MAGI2: variants seen among roughly 807,000 people sequenced by gnomAD.
MAGI2 encodes membrane associated guanylate kinase, WW and PDZ domain containing 2.
In MAGI2, 35 loss-of-function variants were observed where a neutral mutation model predicts 133.3. The ratio of observed to expected loss-of-function variants is 0.26; its 90% CI spans 0.20 to 0.35. MAGI2 has a LOEUF of 0.35. MAGI2 is among the 10% of genes least tolerant of loss of function. The pLI is 1.00. For synonymous variants in MAGI2, 729 were observed against 710.6 expected (o/e 1.03, Z -0.41); for missense variants, 1,636 against 1,863.4 (o/e 0.88, Z 2.25).
intron 2 of MAGI2, among the ~76,000 whole-genome samples, chr7:78,972,187 T>C (rs1016522697): frequency 6.6e-6 from 1 of 151,940 alleles, no homozygotes; most frequent in Non-Finnish European, 1.5e-5. Flanking sequence ...ACTTAATTAG[T>C]AAAACATACC....
At chr7:78,757,444 C>T (rs1323023931) in intron 2 of MAGI2, among the ~76,000 whole-genome samples, 1 of 152,008 alleles carries the variant, frequency 6.6e-6, no homozygotes. Context: ...CTCTCTGGCT[C>T]CTGCCTTATT....
At chr7:79,295,138 G>A (rs1369835312) in intron 1 of MAGI2, among the ~76,000 whole-genome samples, 1 of 151,812 alleles carries the variant, frequency 6.6e-6, no homozygotes, top group African/African-American at 2.4e-5. Flanking sequence ...GAATCTAACA[G>A]CAATTCCAGG....
At chr7:78,346,723 T>C (rs17150562) in intron 7 of MAGI2, among the ~76,000 whole-genome samples, 18,671 of 152,174 alleles carry the variant, frequency 0.12, 1,631 homozygotes, top group African/African-American at 0.23. Context: ...ACTGTGAATT[T>C]CTGTATAGCA....
intron 1 of MAGI2, among the ~76,000 whole-genome samples, chr7:79,245,429 A>G (rs1376403247): frequency 6.6e-6 from 1 of 152,144 alleles, no homozygotes; most frequent in Non-Finnish European, 1.5e-5. Flanking sequence ...TAGGCCTGGC[A>G]TCATTCACCA....
chr7:78,747,060 C>A (rs1024778940), intron 2 of MAGI2, among the ~76,000 whole-genome samples: 1 of 152,132 alleles, frequency 6.6e-6, no homozygotes, highest in South Asian at 2.1e-4. Context: ...AGTGCACATA[C>A]GCATCACAGC....
At chr7:78,562,275 T>C (rs1800486314) in intron 3 of MAGI2, among the ~76,000 whole-genome samples, 1 of 152,230 alleles carries the variant, frequency 6.6e-6, no homozygotes. Context: ...GTGTTCCTTC[T>C]TCATTCACTC....
intron 1 of MAGI2, among the ~76,000 whole-genome samples, chr7:79,378,081 G>C (rs1370680472): frequency 6.6e-6 from 1 of 151,716 alleles, no homozygotes. Context: ...TCAAATTTTG[G>C]GGGTCAAGCT....
chr7:78,527,989 C>T (rs530096625), intron 3 of MAGI2, among the ~76,000 whole-genome samples: 1 of 80,286 alleles, frequency 1.2e-5, no homozygotes, highest in East Asian at 2.6e-4. Context: ...ATTCTCAGTC[C>T]TTTTTTCCCC....
chr7:78,685,825 G>A (rs1245666565), intron 2 of MAGI2, among the ~76,000 whole-genome samples: 1 of 152,010 alleles, frequency 6.6e-6, no homozygotes, highest in Non-Finnish European at 1.5e-5. Context: ...CAAATGTCAT[G>A]ATCATCATTG....
chr7:78,620,208 G>A (rs1685018657), intron 3 of MAGI2, among the ~76,000 whole-genome samples: 1 of 151,930 alleles, frequency 6.6e-6, no homozygotes, highest in South Asian at 2.1e-4. Context: ...AATTTGAACT[G>A]ATAGAAGAAT....
chr7:78,431,855 A>G (rs1019399310), intron 6 of MAGI2, among the ~76,000 whole-genome samples: 3 of 152,096 alleles, frequency 2.0e-5, no homozygotes, highest in African/African-American at 4.8e-5. Flanking sequence ...GACATAAGTA[A>G]AAGTTGAAAT....
At chr7:78,922,910 T>C (rs1036542841) in intron 2 of MAGI2, among the ~76,000 whole-genome samples, 5 of 151,830 alleles carry the variant, frequency 3.3e-5, no homozygotes, top group Non-Finnish European at 7.4e-5. Flanking sequence ...TGGTATCTCA[T>C]TGTGGTTTTG....
intron 2 of MAGI2, among the ~76,000 whole-genome samples, chr7:78,861,735 A>G (rs936348457): frequency 2.0e-4 from 31 of 152,238 alleles, no homozygotes; most frequent in African/African-American, 7.2e-4. Context: ...TGAGAAAGTA[A>G]TATTTGGATA....
At chr7:79,024,268 C>T (rs959589061) in intron 1 of MAGI2, among the ~76,000 whole-genome samples, 1 of 152,100 alleles carries the variant, frequency 6.6e-6, no homozygotes, top group Non-Finnish European at 1.5e-5. Flanking sequence ...GCTGGGTTAA[C>T]CGACTTGCCA....
intron 2 of MAGI2, among the ~76,000 whole-genome samples, chr7:78,921,056 T>C (rs1364929872): frequency 6.6e-6 from 1 of 152,122 alleles, no homozygotes; most frequent in Non-Finnish European, 1.5e-5. Context: ...TGTCTATTCT[T>C]GACATTCCTG....
chr7:78,116,638 G>A (rs1208871720), intron 20 of MAGI2, among the ~76,000 whole-genome samples: 2 of 152,136 alleles, frequency 1.3e-5, no homozygotes, highest in African/African-American at 4.8e-5. Context: ...TAGCACTTTG[G>A]GAGGCTGAAG....
intron 21 of MAGI2, among the ~76,000 whole-genome samples, chr7:78,052,250 T>C (rs1278583762): frequency 6.6e-6 from 1 of 152,084 alleles, no homozygotes; most frequent in Non-Finnish European, 1.5e-5. Flanking sequence ...TTTGGGTCAT[T>C]GGTGTGGCTC....
At chr7:79,403,233 A>G (rs1451336954) in intron 1 of MAGI2, among the ~76,000 whole-genome samples, 1 of 152,158 alleles carries the variant, frequency 6.6e-6, no homozygotes, top group African/African-American at 2.4e-5. Flanking sequence ...TTTTGTTTTC[A>G]TGTATTCATT....
chr7:78,107,409 T>C (rs1818808293), intron 20 of MAGI2, among the ~76,000 whole-genome samples: 2 of 152,184 alleles, frequency 1.3e-5, no homozygotes, highest in South Asian at 4.1e-4. Context: ...TTGATAGGGA[T>C]TGCATTGAAT....
Sources: allele counts gnomAD v4.1 joint callset (sites outside exome capture counted in the v4.1 genomes callset), GRCh38; gene constraint gnomAD v4.1.1; transcripts MANE v1.5; gene names NCBI Gene and HGNC (gene_info 2026-07-23, HGNC 2026-07-21).